Variants in DNAH5 observed in about 807,000 individuals in gnomAD.
DNAH5 encodes dynein axonemal heavy chain 5.
In DNAH5, 372 loss-of-function variants were observed where a neutral mutation model predicts 518.2. The ratio of observed to expected loss-of-function variants is 0.72; its 90% confidence interval spans 0.66 to 0.78. The LOEUF (loss-of-function observed/expected upper bound fraction) is 0.78. Ranked by LOEUF, DNAH5 falls within the 30% of genes least tolerant of loss-of-function variation. The probability of loss-of-function intolerance (pLI) is 0.00; values close to 1 mark genes in which losing one functional copy is unlikely to be tolerated. For missense variants in DNAH5, 5,523 were observed against 5,687.0 expected, an observed-to-expected ratio of 0.97 and a Z score of 0.93; for synonymous variants, 2,039 against 2,025.9, an observed-to-expected ratio of 1.01 and a Z score of -0.17.
Position 13,824,036 on chromosome 5 carries a change from A to C in DNAH5, c.6579+163T>G, listed in dbSNP as rs111301481. ...GTGGATAGGAATCATTACCCAAAAA[A>C]ATGTCTGAAAAAGTATAATTTAAAG... is the stretch of plus-strand genomic sequence containing the variant. On this transcript the variant is annotated intron_variant, in intron 39 of 78. Coordinates refer to ENST00000265104, the MANE Select transcript of DNAH5 (RefSeq NM_001369.3). Among the ~76,000 whole-genome samples, 522 of 152,346 alleles carry C rather than the reference A, an allele frequency of 3.4e-3. 1 individual carries two copies. Among genetic ancestry groups the C allele is most frequent in the Non-Finnish European group, 6.0e-3 (408 of 68,030 alleles).
chr5:13,749,140 C>G (rs1749846344), intron 65 of DNAH5, among the ~76,000 whole-genome samples: 2 of 152,042 alleles, frequency 1.3e-5, no homozygotes, highest in South Asian at 4.2e-4. Context: ...AGCCCAGCAG[C>G]TCACTTCTTC....
intron 21 of DNAH5, among the ~76,000 whole-genome samples, chr5:13,881,949 A>T (rs2151936989): frequency 6.6e-6 from 1 of 152,254 alleles, no homozygotes; most frequent in Non-Finnish European, 1.5e-5. Context: ...CTAAGTAAAA[A>T]AGAGGACTCA....
chr5:13,938,912 G>A lies in DNAH5; in HGVS notation c.57+5470C>T, dbSNP rs528477065. On this transcript the variant is annotated intron_variant, in intron 1 of 78. Transcript: ENST00000265104. ...ATGAATCAGGACAAATTCACGAGCAGAAAAAGAAAATTATTCAACGTGTAT... is the reference window on the plus strand; with the variant it reads ...ATGAATCAGGACAAATTCACGAGCAAAAAAAGAAAATTATTCAACGTGTAT... Among the ~76,000 whole-genome samples the A allele has an allele frequency of 9.2e-5, 14 of 152,286 alleles. No homozygotes were observed. The Middle Eastern group carries it at 0.01, about 111-fold the overall frequency.
At chr5:13,893,848 G>A (rs536741940) in intron 16 of DNAH5, among the ~76,000 whole-genome samples, 43 of 151,392 alleles carry the variant, frequency 2.8e-4, no homozygotes, top group African/African-American at 1.0e-3. Context: ...GGAGGACTGG[G>A]CTATGCAGAG....
rs756610363 is a variant in DNAH5 at position 13,753,305 on chromosome 5, G to A, written c.10800C>T (p.Tyr3600=). The change falls in exon 63 of 79, where the codon TAC becomes TAT. Residue 3600 remains tyrosine (Y), a synonymous_variant. Coordinates refer to ENST00000265104, the MANE Select transcript of DNAH5 (RefSeq NM_001369.3). ...NGIIVTKASR[Y]PLLIDPQTQG... is the part of the protein sequence containing the mutation. ...GAGTCTGTGGATCAATTAACAAAGG[G>A]TAACGAGATGCCTTCGTGACAATAA... The A allele has an allele frequency of 6.2e-7, 1 of 1,613,880 alleles. No individual in the cohort carries two copies. The highest frequency in any genetic ancestry group is 8.5e-7 in the Non-Finnish European group (1 of 1,179,846).
Position 13,943,142 on chromosome 5 carries a change from C to T in DNAH5, c.57+1240G>A, listed in dbSNP as rs991348416. Among the ~76,000 whole-genome samples the T allele has an allele frequency of 5.3e-5, 8 of 152,138 alleles. 1 individual carries two copies. Among genetic ancestry groups the T allele is most frequent in the Admixed American group, 5.2e-4 (8 of 15,260 alleles). On this transcript the variant is annotated intron_variant, in intron 1 of 78. Transcript: ENST00000265104. ...TTAATTATACCTGAGATTTTATCAT[C>T]AATTGTGGTGTTTCAGACTTGGTAC...
chr5:13,758,795 G>C lies in DNAH5; in HGVS notation c.10419+51C>G, dbSNP rs764207586. The C allele has an allele frequency of 1.9e-6, 3 of 1,613,248 alleles. No homozygotes were observed. In the Admixed American group the frequency reaches 5.0e-5, roughly 27 times the overall value. On this transcript the variant is annotated intron_variant, in intron 61 of 78. Transcript: ENST00000265104. ...CCACAAGAACCCAAACTCTTGGAGAGAGAAGCCGTGTAGATATGTGACAGT... is the reference window on the plus strand; with the variant it reads ...CCACAAGAACCCAAACTCTTGGAGACAGAAGCCGTGTAGATATGTGACAGT...
chr5:13,994,760 GCA>G (rs1783814235), intron 1 of DNAH5, among the ~76,000 whole-genome samples: 1 of 152,170 alleles, frequency 6.6e-6, no homozygotes, highest in African/African-American at 2.4e-5. Context: ...TTGGCTCTGA[GCA>G]CAGATGCTCA....
chr5:13,932,869 G>A (rs1364149600), intron 1 of DNAH5, among the ~76,000 whole-genome samples: 6 of 152,318 alleles, frequency 3.9e-5, no homozygotes, highest in African/African-American at 9.6e-5. Context: ...ACAGGTGGAC[G>A]AGGCAGACAG....
chr5:13,818,263 G>T, intron 41 of DNAH5, among the ~76,000 whole-genome samples: 1 of 152,254 alleles, frequency 6.6e-6, no homozygotes, highest in East Asian at 1.9e-4. Context: ...AGGGACTGTG[G>T]TTAATGAGCA....
rs535536722 is a variant in DNAH5 at position 13,735,291 on chromosome 5, C to T, written c.11601G>A (p.Arg3867=). Reference sequence around the variant, plus strand: ...TCATGTGCTCGATGATATTAGCAATCCTCTTGCTTGTAATCGGGCTCTTGA... The same window carrying T: ...TCATGTGCTCGATGATATTAGCAATTCTCTTGCTTGTAATCGGGCTCTTGA... The part of the protein sequence containing the change: ...RSVKSPITSK[R]IANIIEHMTY... The change falls in exon 68 of 79, where the codon AGG becomes AGA. Residue 3867 remains arginine (R), a synonymous_variant. Transcript: ENST00000265104. 28 of 1,614,082 alleles carry T rather than the reference C, an allele frequency of 1.7e-5. No individual in the cohort carries two copies. In the South Asian group the frequency reaches 2.7e-4, roughly 16 times the overall value.
intron 1 of DNAH5, among the ~76,000 whole-genome samples, chr5:14,003,064 T>A (rs1051366129): frequency 6.6e-6 from 1 of 152,230 alleles, no homozygotes; most frequent in Non-Finnish European, 1.5e-5. Flanking sequence ...CTGTTTTTAA[T>A]GACTAGCATT....
chr5:13,885,897 A>C, intron 18 of DNAH5, 67 bp downstream of exon 18: 1 of 1,416,256 alleles, frequency 7.1e-7, no homozygotes, highest in Non-Finnish European at 9.9e-7. Flanking sequence ...GGTATGTAGA[A>C]AATGCAGTTT....
chr5:13,867,880 A>T lies in DNAH5; in HGVS notation c.3947T>A (p.Val1316Asp). The T allele has an allele frequency of 6.2e-7, 1 of 1,614,024 alleles. No individual in the cohort carries two copies. Among genetic ancestry groups the T allele is most frequent in the South Asian group, 1.1e-5 (1 of 91,074 alleles). Residue 1316 changes from valine (V) to aspartate (D), a missense_variant, in exon 25 of 79, where the codon GTC becomes GAC. Transcript: ENST00000265104. ...CTGCAGTGAGACTAATTTATTCTGG[A>T]CTTCGCCAGCACGTGCCAGCAGCTT... is the stretch of plus-strand genomic sequence containing the variant. ...WEKLLARAGE[V>D]QNKLVSLQPS...
chr5:13,696,101 G>A (rs1741352161), intron 78 of DNAH5, among the ~76,000 whole-genome samples: 1 of 152,138 alleles, frequency 6.6e-6, no homozygotes, highest in African/African-American at 2.4e-5. Flanking sequence ...GGGTCAGACG[G>A]TGTTCTTAGA....
chr5:13,813,915 G>A (rs1473646841), intron 43 of DNAH5, among the ~76,000 whole-genome samples: 1 of 152,090 alleles, frequency 6.6e-6, no homozygotes, highest in African/African-American at 2.4e-5. Context: ...CTTAGGTGAT[G>A]AAAATATTCA....
chr5:13,771,068 T>C, intron 55 of DNAH5, 88 bp from the exon 56 acceptor site: 3 of 1,230,334 alleles, frequency 2.4e-6, no homozygotes, highest in Non-Finnish European at 3.5e-6. Flanking sequence ...ACTTAGACAT[T>C]TCTTAGGAAT....
intron 47 of DNAH5, among the ~76,000 whole-genome samples, chr5:13,805,599 G>GT (rs1310369280): frequency 6.6e-6 from 1 of 152,170 alleles, no homozygotes; most frequent in Non-Finnish European, 1.5e-5. Context: ...CAAGGCTCAG[G>GT]TGAGTGTCCA....
At chr5:13,966,060 G>A (rs2591537) in intron 1 of DNAH5, among the ~76,000 whole-genome samples, 132,429 of 151,698 alleles carry the variant, frequency 0.87, 57,889 homozygotes, top group East Asian at 1. Context: ...CTTAGTTCCC[G>A]TTTATAAGTG....
Sources: allele counts gnomAD v4.1 joint callset (sites outside exome capture counted in the v4.1 genomes callset), GRCh38; gene constraint gnomAD v4.1.1; transcripts MANE v1.5; gene names NCBI Gene and HGNC (gene_info 2026-07-23, HGNC 2026-07-21).